LPP: variants seen among roughly 807,000 people sequenced by gnomAD.
LPP encodes lipoma-preferred partner.
A neutral mutation model predicts 60.4 loss-of-function variants in LPP; 38 were observed. The ratio of observed to expected loss-of-function variants is 0.63; its 90% CI spans 0.49 to 0.83. The LOEUF (loss-of-function observed/expected upper bound fraction) is 0.83, where lower values mean the gene tolerates loss of function less well. Among genes scored for constraint, LPP ranks in the 40% least tolerant of loss-of-function variants. The probability of loss-of-function intolerance (pLI) is 0.00; values close to 1 mark genes in which losing one functional copy is unlikely to be tolerated. For synonymous variants in LPP, 328 were observed against 290.8 expected, an observed-to-expected ratio of 1.13 and a Z score of -1.30; for missense variants, 902 against 783.6, an observed-to-expected ratio of 1.15 and a Z score of -1.80.
intron 9 of LPP, among the ~76,000 whole-genome samples, chr3:188,783,312 C>T (rs574182866): frequency 6.6e-6 from 1 of 152,246 alleles, no homozygotes; most frequent in South Asian, 2.1e-4. Context: ...CTTAAATGCC[C>T]ATCAGCGACA....
chr3:188,549,739 A>G (rs1335761312), intron 6 of LPP, among the ~76,000 whole-genome samples: 5 of 152,332 alleles, frequency 3.3e-5, no homozygotes, highest in Non-Finnish European at 7.3e-5. Context: ...CCCTCTTCAC[A>G]TGGCAATGGA....
intron 2 of LPP, among the ~76,000 whole-genome samples, chr3:188,238,403 GC>G (rs1577460973): frequency 6.6e-6 from 1 of 151,760 alleles, no homozygotes; most frequent in African/African-American, 2.4e-5. Flanking sequence ...GCACATCTTG[GC>G]TGTTTGGCAC....
chr3:188,512,964 T>G (rs1251993913), intron 5 of LPP, among the ~76,000 whole-genome samples: 1 of 152,164 alleles, frequency 6.6e-6, no homozygotes, highest in Non-Finnish European at 1.5e-5. Context: ...GATTCATAAA[T>G]CCACACAATT....
chr3:188,686,312 A>G (rs531388916), intron 7 of LPP, among the ~76,000 whole-genome samples: 37 of 152,168 alleles, frequency 2.4e-4, no homozygotes, highest in Non-Finnish European at 3.1e-4. Context: ...ACCAAAGGCA[A>G]TGGCAATAAA....
intron 9 of LPP, among the ~76,000 whole-genome samples, chr3:188,781,893 A>G (rs529603924): frequency 2.7e-4 from 32 of 119,390 alleles, no homozygotes; most frequent in Middle Eastern, 3.8e-3. Flanking sequence ...CTCCGTCTCA[A>G]AAAAAAAAAA....
rs546421517 is a variant in LPP at position 188,490,994 on chromosome 3, C to A, written c.306+6290C>A. Reference sequence around the variant, plus strand: ...GCCAGGATGGTCTCGATCTCCTGACCTCGTGATCCGCCTGCCTCAGCCTCC... The same window carrying A: ...GCCAGGATGGTCTCGATCTCCTGACATCGTGATCCGCCTGCCTCAGCCTCC... On this transcript the variant is annotated intron_variant, in intron 5 of 11. Coordinates refer to ENST00000617246, the MANE Select transcript of LPP (RefSeq NM_001375462.1). Among the ~76,000 whole-genome samples, 96 of 152,076 alleles carry A rather than the reference C, an allele frequency of 6.3e-4. 1 individual carries two copies. The highest frequency in any genetic ancestry group is 2.1e-3 in the African/African-American group (89 of 41,518).
At chr3:188,742,957 T>C (rs1330610929) in intron 8 of LPP, among the ~76,000 whole-genome samples, 1 of 152,180 alleles carries the variant, frequency 6.6e-6, no homozygotes, top group Non-Finnish European at 1.5e-5. Context: ...TATGTCCTAA[T>C]GGATCCTCTA....
At chr3:188,759,675 C>G (rs1731497188) in intron 8 of LPP, among the ~76,000 whole-genome samples, 1 of 152,236 alleles carries the variant, frequency 6.6e-6, no homozygotes, top group East Asian at 1.9e-4. Context: ...AGTTTGGACC[C>G]AATTATCTTA....
At chr3:188,254,102 C>T (rs1317299891) in intron 2 of LPP, among the ~76,000 whole-genome samples, 1 of 152,164 alleles carries the variant, frequency 6.6e-6, no homozygotes, top group African/African-American at 2.4e-5. Context: ...TCAATAAGTG[C>T]CTCATGAATT....
chr3:188,561,952 G>A lies in LPP; in HGVS notation c.429+37165G>A, dbSNP rs118100233. Among the ~76,000 whole-genome samples the A allele has an allele frequency of 8.6e-4, 131 of 152,098 alleles. 1 individual carries two copies. In the East Asian group the frequency reaches 0.016, roughly 19 times the overall value. ...TGGAGATTCATGGAGAATTTGCAGC[G>A]CATGGACTTGTGAGCAGTTGGCGTT... On this transcript the variant is annotated intron_variant, in intron 6 of 11. Coordinates refer to ENST00000617246, the MANE Select transcript of LPP (RefSeq NM_001375462.1).
intron 2 of LPP, among the ~76,000 whole-genome samples, chr3:188,279,673 A>C (rs981048645): frequency 9.2e-5 from 14 of 152,236 alleles, no homozygotes; most frequent in Admixed American, 4.6e-4. Flanking sequence ...AGTAATTAGC[A>C]GGCTTGATTA....
At chr3:188,448,611 TG>T (rs1795878815) in intron 4 of LPP, among the ~76,000 whole-genome samples, 1 of 152,156 alleles carries the variant, frequency 6.6e-6, no homozygotes, top group South Asian at 2.1e-4. Flanking sequence ...CTGTCAGTTT[TG>T]CCTAGGACGT....
intron 2 of LPP, among the ~76,000 whole-genome samples, chr3:188,270,290 C>CGT (rs960160147): frequency 3.3e-5 from 5 of 151,564 alleles, no homozygotes; most frequent in African/African-American, 1.2e-4. Flanking sequence ...AACACACAGA[C>CGT]GTGTGTGTGT....
At chr3:188,641,185 ACT>A (rs1168988449) in intron 7 of LPP, among the ~76,000 whole-genome samples, 1 of 152,190 alleles carries the variant, frequency 6.6e-6, no homozygotes, top group Non-Finnish European at 1.5e-5. Context: ...ATAAAGGAAG[ACT>A]CTCAAATTGC....
Position 188,406,260 on chromosome 3 carries a change from C to G in LPP, c.140C>G (p.Pro47Arg). Residue 47 changes from proline to arginine, a missense_variant, in exon 4 of 12, where the codon CCG (proline) becomes CGG (arginine). Coordinates refer to ENST00000617246, the MANE Select transcript of LPP (RefSeq NM_001375462.1). ...STQQPPKKFA[P>R]VVAPKPKYNP... ...CAACAGCCACCCAAAAAGTTTGCCC[C>G]GGTAGTTGCTCCAAAACCTAAGTAC... 6 of 1,614,098 alleles carry G rather than the reference C, an allele frequency of 3.7e-6. No individual in the cohort carries two copies. The highest frequency in any genetic ancestry group is 5.1e-6 in the Non-Finnish European group (6 of 1,180,000).
In LPP at chr3:188,742,649, C is replaced by T. The variant is rs144190381; in HGVS notation, c.1241-17464C>T. ...CAAAGCAATCAGTGGTTTGCTGAGGCTGGGAGTGGGGAAAGGATTGATTAT... is the reference window on the plus strand; with the variant it reads ...CAAAGCAATCAGTGGTTTGCTGAGGTTGGGAGTGGGGAAAGGATTGATTAT... On this transcript the variant is annotated intron_variant, in intron 8 of 11. Transcript: ENST00000617246. Among the ~76,000 whole-genome samples the T allele has an allele frequency of 7.1e-3, 1,072 of 152,018 alleles. 20 individuals are homozygous for T. Among genetic ancestry groups the T allele is most frequent in the African/African-American group, 0.024 (1,007 of 41,474 alleles).
In LPP at chr3:188,522,383, C is replaced by T. The variant is rs142562648; in HGVS notation, c.307-2282C>T. Among the ~76,000 whole-genome samples, 677 of 152,142 alleles carry T rather than the reference C, an allele frequency of 4.4e-3. 5 individuals are homozygous for T. The highest frequency in any genetic ancestry group is 0.015 in the African/African-American group (641 of 41,500). ...GATGGACACTGAACCTCTTTGGTTC[C>T]GTTTTTATATCAAATTCTAGAGTAT... On this transcript the variant is annotated intron_variant, in intron 5 of 11. Coordinates refer to ENST00000617246, the MANE Select transcript of LPP (RefSeq NM_001375462.1).
chr3:188,841,399 T>G (rs961957546), intron 9 of LPP, among the ~76,000 whole-genome samples: 2 of 147,614 alleles, frequency 1.4e-5, no homozygotes, highest in Non-Finnish European at 3.0e-5. Flanking sequence ...ATTTGTTTTT[T>G]TTTTTTTTTT....
At chr3:188,734,729 G>C (rs1312541435) in intron 8 of LPP, among the ~76,000 whole-genome samples, 2 of 152,250 alleles carry the variant, frequency 1.3e-5, no homozygotes, top group African/African-American at 4.8e-5. Context: ...GAGCAGCCCT[G>C]CCTGAAGGCA....
Sources: allele counts gnomAD v4.1 joint callset (sites outside exome capture counted in the v4.1 genomes callset), GRCh38; gene constraint gnomAD v4.1.1; transcripts MANE v1.5; gene names NCBI Gene and HGNC (gene_info 2026-07-23, HGNC 2026-07-21).